The following LINGO2 variants were observed in gnomAD, a reference collection of about 807,000 sequenced individuals.
The protein encoded by LINGO2 is leucine-rich repeat and immunoglobulin-like domain-containing nogo receptor-interacting protein 2.
A neutral mutation model predicts 30.6 loss-of-function variants in LINGO2; 14 were observed. That is an observed-to-expected ratio of 0.46 (90% CI 0.30 to 0.72). The LOEUF is 0.72. Ranked by LOEUF, LINGO2 falls within the 30% of genes least tolerant of loss-of-function variation. LINGO2 has a pLI of 0.07. For missense variants in LINGO2, 729 were observed against 751.7 expected (o/e 0.97, Z 0.35); for synonymous variants, 317 against 288.5 (o/e 1.10, Z -1.00).
intron 1 of LINGO2, among the ~76,000 whole-genome samples, chr9:28,487,742 G>A (rs912470898): frequency 3.3e-5 from 5 of 152,266 alleles, no homozygotes; most frequent in African/African-American, 4.8e-5. Flanking sequence ...ATTCAGACTT[G>A]ATCCTAATTT....
chr9:28,930,939 A>C, the LINGO2 span, among the ~76,000 whole-genome samples: 1 of 152,330 alleles, frequency 6.6e-6, no homozygotes, highest in South Asian at 2.1e-4. This position sits in a 1 kb window ranked among gnomAD's most constrained non-coding sequence, Gnocchi z 4.2. Flanking sequence ...ATTTAAATTC[A>C]GAACACTCCT....
Position 28,147,666 on chromosome 9 carries a change from G to A in LINGO2, c.-86-135261C>T, listed in dbSNP as rs1016906178. Among the ~76,000 whole-genome samples the A allele has an allele frequency of 9.2e-5, 14 of 152,132 alleles. No homozygotes were observed. Among genetic ancestry groups the A allele is most frequent in the African/African-American group, 3.1e-4 (13 of 41,458 alleles). On this transcript the variant is annotated intron_variant, in intron 4 of 5. Coordinates refer to ENST00000379992, the Ensembl canonical transcript of LINGO2. The surrounding 1 kb of genome is among the most constrained non-coding windows in gnomAD (Gnocchi z 4.7). Reference sequence around the variant, plus strand: ...AGGTGCCAGGTGGAAGGGCTCTGGCGGATCAGCCCCGCACCCCCAACAGCC... The same window carrying A: ...AGGTGCCAGGTGGAAGGGCTCTGGCAGATCAGCCCCGCACCCCCAACAGCC...
At chr9:29,171,103 C>A in the LINGO2 span, among the ~76,000 whole-genome samples, 1 of 152,080 alleles carries the variant, frequency 6.6e-6, no homozygotes, top group Non-Finnish European at 1.5e-5. Flanking sequence ...ACATGCAGTA[C>A]TATGGATTCC....
At chr9:28,608,688 G>T (rs986402423) in intron 1 of LINGO2, among the ~76,000 whole-genome samples, 1 of 151,846 alleles carries the variant, frequency 6.6e-6, no homozygotes, top group Non-Finnish European at 1.5e-5. Context: ...AACATCATTT[G>T]TTCTACATTC....
At chr9:28,123,721 C>A (rs1156636877) in intron 4 of LINGO2, among the ~76,000 whole-genome samples, 2 of 151,594 alleles carry the variant, frequency 1.3e-5, no homozygotes, top group Admixed American at 6.6e-5. Flanking sequence ...TGGAGTGCAG[C>A]GGCGTGATCT....
intron 4 of LINGO2, among the ~76,000 whole-genome samples, chr9:28,122,412 A>G (rs1827122163): frequency 6.6e-6 from 1 of 152,226 alleles, no homozygotes; most frequent in African/African-American, 2.4e-5. Flanking sequence ...TTCCAAATAA[A>G]TGAAAAATCT....
intron 3 of LINGO2, among the ~76,000 whole-genome samples, chr9:28,367,983 T>C (rs7018628): frequency 1 from 151,467 of 152,144 alleles, 75,401 homozygotes; most frequent in Middle Eastern, 1. Context: ...ATTTCTTTCC[T>C]TCTTTTTCCA....
At chr9:28,138,405 C>G (rs1260159450) in intron 4 of LINGO2, among the ~76,000 whole-genome samples, 1 of 152,122 alleles carries the variant, frequency 6.6e-6, no homozygotes, top group East Asian at 1.9e-4. Context: ...CATAAGACAA[C>G]AAGTCGATGA....
chr9:28,110,077 C>G (rs1181798957), intron 4 of LINGO2, among the ~76,000 whole-genome samples: 1 of 152,216 alleles, frequency 6.6e-6, no homozygotes, highest in East Asian at 1.9e-4. Context: ...ATAGAGACCT[C>G]AGAAATAACA....
chr9:28,695,801 T>C, the LINGO2 span, among the ~76,000 whole-genome samples: 40 of 151,764 alleles, frequency 2.6e-4, 1 homozygote, highest in East Asian at 7.3e-3. Context: ...AAATATATAG[T>C]TCTGAATCAT....
intron 4 of LINGO2, among the ~76,000 whole-genome samples, chr9:28,199,045 A>G (rs1048473817): frequency 1.3e-5 from 2 of 152,178 alleles, no homozygotes; most frequent in African/African-American, 4.8e-5. Context: ...TTCCATGTAC[A>G]TCTTGAAAAA....
the LINGO2 span, among the ~76,000 whole-genome samples, chr9:29,021,517 C>T: frequency 4.6e-5 from 7 of 151,882 alleles, no homozygotes; most frequent in East Asian, 1.9e-4. Flanking sequence ...AATGGCCAGA[C>T]GTGGTGGTGG....
chr9:27,974,220 C>T (rs1454637684), intron 5 of LINGO2, among the ~76,000 whole-genome samples: 1 of 152,146 alleles, frequency 6.6e-6, no homozygotes, highest in African/African-American at 2.4e-5. Flanking sequence ...TACATGCTGT[C>T]ATGTTAGGGG....
At chr9:28,843,339 T>TTAA in the LINGO2 span, among the ~76,000 whole-genome samples, 1 of 151,636 alleles carries the variant, frequency 6.6e-6, no homozygotes, top group Non-Finnish European at 1.5e-5. Context: ...TATTCTGACC[T>TTAA]CATATATGTG....
chr9:29,003,452 GAAAC>G, the LINGO2 span, among the ~76,000 whole-genome samples: 1 of 151,802 alleles, frequency 6.6e-6, no homozygotes, highest in Non-Finnish European at 1.5e-5. Flanking sequence ...AAGAGACAAG[GAAAC>G]AGACAGACCA....
At chr9:28,313,965 G>A (rs548598462) in intron 3 of LINGO2, among the ~76,000 whole-genome samples, 66 of 151,864 alleles carry the variant, frequency 4.3e-4, no homozygotes, top group Non-Finnish European at 7.1e-4. Context: ...ATGGAGTCTC[G>A]CTCTTTCACC....
the LINGO2 span, among the ~76,000 whole-genome samples, chr9:29,011,586 G>A: frequency 2.0e-5 from 3 of 152,268 alleles, no homozygotes; most frequent in Non-Finnish European, 2.9e-5. Context: ...ACACAAGAAA[G>A]ATCACCAAGG....
the LINGO2 span, among the ~76,000 whole-genome samples, chr9:29,119,895 T>C: frequency 6.6e-6 from 1 of 152,144 alleles, no homozygotes. Flanking sequence ...TTTTCAACCA[T>C]AATAACTTTA....
intron 1 of LINGO2, among the ~76,000 whole-genome samples, chr9:28,551,161 G>C (rs1024711015): frequency 1.3e-5 from 2 of 151,436 alleles, no homozygotes; most frequent in African/African-American, 4.9e-5. Context: ...AGCAAGTCTT[G>C]TATTAATATT....
Sources: allele counts gnomAD v4.1 joint callset (sites outside exome capture counted in the v4.1 genomes callset), GRCh38; gene constraint gnomAD v4.1.1; non-coding constraint Gnocchi (gnomAD v3.1); transcripts MANE v1.5; gene names NCBI Gene and HGNC (gene_info 2026-07-23, HGNC 2026-07-21).